Variants in PSMA6 observed in about 807,000 individuals in gnomAD.
PSMA6 encodes proteasome subunit alpha type-6.
For missense variants in PSMA6, 170 were observed against 294.8 expected, an observed-to-expected ratio of 0.58 and a Z score of 3.10; for synonymous variants, 88 against 97.7, an observed-to-expected ratio of 0.90 and a Z score of 0.59.
chr14:35,294,197 C>T (rs1303868710), intron 1 of PSMA6, among the ~76,000 whole-genome samples: 1 of 152,128 alleles, frequency 6.6e-6, no homozygotes, highest in Non-Finnish European at 1.5e-5. Flanking sequence ...TGCGCCACCA[C>T]GCCTGGCTAA....
intron 3 of PSMA6, 123 bp from the exon 4 acceptor site, chr14:35,310,617 C>T (rs1001564301): frequency 1.7e-5 from 15 of 900,650 alleles, no homozygotes; most frequent in South Asian, 1.4e-4. Context: ...AAAGCCGTAG[C>T]GGACCCTTTC....
At chr14:35,285,355 C>CAAA (rs3058486) in intron 1 of PSMA6, among the ~76,000 whole-genome samples, 3,236 of 141,608 alleles carry the variant, frequency 0.023, 50 homozygotes, top group Non-Finnish European at 0.025. Context: ...AAACAAAAAA[C>CAAA]AAAAAAAAAA....
intron 1 of PSMA6, among the ~76,000 whole-genome samples, chr14:35,286,010 C>T (rs556618474): frequency 6.6e-6 from 1 of 152,338 alleles, no homozygotes; most frequent in African/African-American, 2.4e-5. Flanking sequence ...GCCAACAATT[C>T]AGGCCTTATT....
At chr14:35,292,597 C>G in intron 1 of PSMA6, 45 bp downstream of exon 1, 1 of 1,606,286 alleles carries the variant, frequency 6.2e-7, no homozygotes, top group Non-Finnish European at 8.5e-7. Flanking sequence ...ATTGCCCTGT[C>G]ATGGTACGTG....
chr14:35,317,420 A>G lies in PSMA6; in HGVS notation c.*114A>G. Reference sequence around the variant, plus strand: ...AAAAGGAGCCTCTCCCACTCCTCCTACCACCGAAGTGGTTAGGACTCTATA... The same window carrying G: ...AAAAGGAGCCTCTCCCACTCCTCCTGCCACCGAAGTGGTTAGGACTCTATA... On this transcript the variant is annotated 3_prime_UTR_variant, in exon 7 of 7. Transcript: ENST00000261479. The G allele has an allele frequency of 1.1e-6, 1 of 901,586 alleles. No homozygotes were observed. The highest frequency in any genetic ancestry group is 1.8e-6 in the Non-Finnish European group (1 of 556,842). 55.8% of individuals were successfully genotyped at this position (901,586 alleles called of 1,614,324 possible).
intron 4 of PSMA6, 44 bp from the exon 5 acceptor site, chr14:35,312,837 T>C (rs749613658): frequency 3.3e-6 from 5 of 1,508,474 alleles, no homozygotes; most frequent in Non-Finnish European, 3.6e-6. Context: ...GAGATGTCAT[T>C]GTATAAAGCT....
At chr14:35,283,481 T>A (rs991652994) in intron 1 of PSMA6, among the ~76,000 whole-genome samples, 2 of 151,980 alleles carry the variant, frequency 1.3e-5, no homozygotes, top group Non-Finnish European at 2.9e-5. Flanking sequence ...GGGTTGTGGA[T>A]GATTTTTACT....
At chr14:35,282,883 G>C (rs533469803) in intron 1 of PSMA6, among the ~76,000 whole-genome samples, 1 of 151,632 alleles carries the variant, frequency 6.6e-6, no homozygotes, top group South Asian at 2.1e-4. Context: ...ACCCCACAGG[G>C]TCAGGCTGGA....
rs562967408 is a variant in PSMA6 at position 35,312,743 on chromosome 14, G to T, written c.410-138G>T. On this transcript the variant is annotated intron_variant, in intron 4 of 6. Coordinates refer to ENST00000261479, the MANE Select transcript of PSMA6 (RefSeq NM_002791.3). The stretch of plus-strand genomic sequence containing the variant: ...TGTGGTGATAACCTGTATTTTATCA[G>T]TTTTCTTAAAGGAAAATACATATCC... 10 of 686,154 alleles carry T rather than the reference G, an allele frequency of 1.5e-5. No individual in the cohort carries two copies. The African/African-American group carries it at 1.9e-4, about 13-fold the overall frequency. 42.5% of individuals were successfully genotyped at this position (686,154 alleles called of 1,614,324 possible).
At chr14:35,280,359 T>G (rs532676750) in intron 1 of PSMA6, among the ~76,000 whole-genome samples, 1 of 151,914 alleles carries the variant, frequency 6.6e-6, no homozygotes, top group South Asian at 2.1e-4. Context: ...CATCCACATT[T>G]TGGTCTCATT....
At chr14:35,312,244 C>T (rs962588311) in intron 4 of PSMA6, among the ~76,000 whole-genome samples, 3 of 150,460 alleles carry the variant, frequency 2.0e-5, no homozygotes, top group Admixed American at 6.6e-5. Context: ...CAGTGGCTCA[C>T]GCCTGTAATC....
At chr14:35,292,674 G>A in intron 1 of PSMA6, 122 bp downstream of exon 1, 1 of 1,493,774 alleles carries the variant, frequency 6.7e-7, no homozygotes, top group Non-Finnish European at 9.0e-7. Flanking sequence ...TGGGAAGGGA[G>A]AACGGCTGAA....
chr14:35,303,483 C>T (rs1462836458), intron 1 of PSMA6, among the ~76,000 whole-genome samples: 5 of 152,186 alleles, frequency 3.3e-5, no homozygotes, highest in Non-Finnish European at 2.9e-5. Context: ...GCCTTTACTG[C>T]TCTCAGATTA....
Position 35,312,955 on chromosome 14 carries a change from G to A in PSMA6, c.484G>A (p.Gly162Arg), listed in dbSNP as rs758400875. The change falls in exon 5 of 7, where the codon GGG becomes AGG. Residue 162 changes from glycine to arginine, a missense_variant. Physicochemically the swap from Gly to Arg is moderately radical, Grantham distance 125 (BLOSUM62 -2). Coordinates refer to ENST00000261479, the MANE Select transcript of PSMA6 (RefSeq NM_002791.3). ...GTGTGATCCTGCAGGTTACTACTGTGGGTTTAAAGCCACTGCAGCGGGAGT... is the reference window on the plus strand; with the variant it reads ...GTGTGATCCTGCAGGTTACTACTGTAGGTTTAAAGCCACTGCAGCGGGAGT... ...YKCDPAGYYC[G>R]FKATAAGVKQ... 6.3e-7 allele frequency: 1 copy of A among 1,594,898 alleles called. No individual in the cohort carries two copies. The highest frequency in any genetic ancestry group is 1.8e-5 in the Admixed American group (1 of 54,650).
In PSMA6 at chr14:35,285,339, C is replaced by CAAAAAAA. The variant is rs758651038; in HGVS notation, c.19+6623_19+6629dup. The stretch of plus-strand genomic sequence containing the variant: ...AGAGTGACAGAGCAAAACTCTATCT[C>CAAAAAAA]AAAAAAAACAAAAAACAAAAAAAAA... On this transcript the variant is annotated intron_variant, in intron 1 of 6. Coordinates refer to the PSMA6 transcript ENST00000540871. Among the ~76,000 whole-genome samples the CAAAAAAA allele has an allele frequency of 8.4e-4, 46 of 54,540 alleles. 1 individual carries two copies. The highest frequency in any genetic ancestry group is 1.9e-3 in the African/African-American group (40 of 20,812). The allele number at this position is 54,540 out of a possible 152,430, so 35.8% of individuals were successfully genotyped here.
chr14:35,313,052 C>T lies in PSMA6; in HGVS notation c.581C>T (p.Thr194Ile). The change falls in exon 5 of 7, where the codon ACA (threonine) becomes ATA (isoleucine). Residue 194 changes from threonine (T) to isoleucine (I), a missense_variant. Physicochemically the swap from Thr to Ile is moderately conservative, Grantham distance 89. Transcript: ENST00000261479. ...KKKFDWTFEQTVETAITCLST... is the reference protein window; with the variant it reads ...KKKFDWTFEQIVETAITCLST... Reference sequence around the variant, plus strand: ...AAATTTGATTGGACATTTGAACAGACAGTGGAAGTAAGTCAACCAAAAGGA... The same window carrying T: ...AAATTTGATTGGACATTTGAACAGATAGTGGAAGTAAGTCAACCAAAAGGA... The T allele has an allele frequency of 6.4e-7, 1 of 1,569,422 alleles. No homozygotes were observed. The highest frequency in any genetic ancestry group is 8.6e-7 in the Non-Finnish European group (1 of 1,166,722).
intron 1 of PSMA6, among the ~76,000 whole-genome samples, chr14:35,280,254 A>C (rs1470430432): frequency 6.6e-6 from 1 of 152,246 alleles, no homozygotes; most frequent in Admixed American, 6.5e-5. Context: ...AGGCTGGCCA[A>C]CATGGCAAAA....
chr14:35,295,141 C>G (rs2051558522), intron 1 of PSMA6, among the ~76,000 whole-genome samples: 3 of 151,966 alleles, frequency 2.0e-5, no homozygotes, highest in African/African-American at 7.3e-5. Context: ...AGTTGAAGAC[C>G]AGCCTGACCA....
At chr14:35,313,083 CTT>C in intron 5 of PSMA6, 24 bp downstream of exon 5, 1 of 1,549,246 alleles carries the variant, frequency 6.5e-7, no homozygotes, top group Non-Finnish European at 8.6e-7. Flanking sequence ...AAGGAGCTGA[CTT>C]TTTTTATGCT....
Sources: allele counts gnomAD v4.1 joint callset (sites outside exome capture counted in the v4.1 genomes callset), GRCh38; gene constraint gnomAD v4.1.1; transcripts MANE v1.5; gene names NCBI Gene and HGNC (gene_info 2026-07-23, HGNC 2026-07-21).